The following RBFOX3 variants were observed in gnomAD, a reference collection of about 807,000 sequenced individuals.
RBFOX3 encodes the protein RNA binding protein fox-1 homolog 3.
A neutral mutation model predicts 48.7 loss-of-function variants in RBFOX3; 17 were observed. The observed-to-expected ratio is 0.35, with a 90% CI of 0.24 to 0.52. RBFOX3 has a LOEUF of 0.52. RBFOX3 is among the 20% of genes least tolerant of loss of function. The probability of loss-of-function intolerance (pLI) is 0.94; values close to 1 mark genes in which losing one functional copy is unlikely to be tolerated. For synonymous variants in RBFOX3, 212 were observed against 209.5 expected, an observed-to-expected ratio of 1.01 and a Z score of -0.10; for missense variants, 382 against 497.5, an observed-to-expected ratio of 0.77 and a Z score of 2.21.
chr17:79,489,862 A>G (rs1470013563), intron 1 of RBFOX3, among the ~76,000 whole-genome samples: 1 of 152,082 alleles, frequency 6.6e-6, no homozygotes, highest in Admixed American at 6.6e-5. Context: ...CATCACCCCA[A>G]TTCCTCCTCA....
chr17:79,149,543 G>C (rs897289159), intron 4 of RBFOX3, among the ~76,000 whole-genome samples: 1 of 152,108 alleles, frequency 6.6e-6, no homozygotes, highest in African/African-American at 2.4e-5. Flanking sequence ...TGTGAAGTGG[G>C]TGGGGCAGTG....
chr17:79,382,640 TG>T (rs1280676466), intron 2 of RBFOX3, among the ~76,000 whole-genome samples: 1 of 152,190 alleles, frequency 6.6e-6, no homozygotes, highest in Non-Finnish European at 1.5e-5. Flanking sequence ...CTGACCAGAT[TG>T]GCCACAACCA....
rs1248258362 is a variant in RBFOX3, at chr17:79,155,827, G to A, written c.-33-40079C>T. On this transcript the variant is annotated intron_variant, in intron 4 of 14. Coordinates refer to ENST00000693108, the MANE Select transcript of RBFOX3 (RefSeq NM_001350451.2). The stretch of plus-strand genomic sequence containing the variant: ...CCCCCAGGTTGGAGGCACCCCAGAC[G>A]CACTCCCCTCCCGATGGTGGCTGGG... Among the ~76,000 whole-genome samples, 8 of 152,160 alleles carry A rather than the reference G, an allele frequency of 5.3e-5. No individual in the cohort carries two copies. In the East Asian group the frequency reaches 7.7e-4, roughly 15 times the overall value.
At chr17:79,374,965 C>T (rs2147761549) in intron 2 of RBFOX3, among the ~76,000 whole-genome samples, 1 of 152,134 alleles carries the variant, frequency 6.6e-6, no homozygotes, top group African/African-American at 2.4e-5. Context: ...CTCTCTCCCT[C>T]CTGCCCCAGC....
At chr17:79,398,239 C>G (rs2062293599) in intron 2 of RBFOX3, among the ~76,000 whole-genome samples, 1 of 152,144 alleles carries the variant, frequency 6.6e-6, no homozygotes, top group Non-Finnish European at 1.5e-5. Context: ...CCTGCAGAAA[C>G]TCCCAGAACT....
At chr17:79,451,811 T>C (rs2073564674) in intron 2 of RBFOX3, among the ~76,000 whole-genome samples, 3 of 152,262 alleles carry the variant, frequency 2.0e-5, no homozygotes. Context: ...GAGTACTGAA[T>C]GACAGCATCG....
intron 2 of RBFOX3, among the ~76,000 whole-genome samples, chr17:79,373,058 C>G (rs12941033): frequency 0.44 from 66,652 of 151,960 alleles, 15,647 homozygotes; most frequent in Admixed American, 0.57. Flanking sequence ...AAGCTCACGT[C>G]GCCTCTCAGC....
rs558201295 is a variant in RBFOX3 at position 79,305,905 on chromosome 17, G to A, written c.-74+1819C>T. 3.9e-5 allele frequency among the ~76,000 whole-genome samples: 6 copies of A among 152,316 alleles called. No homozygotes were observed. In the South Asian group the frequency reaches 6.2e-4, roughly 16 times the overall value. On this transcript the variant is annotated intron_variant, in intron 3 of 14. Transcript: ENST00000693108. ...GCTAACCATCCAGGGCTGACCTGCC[G>A]TAGCCTCTAGCGTAGAGCCCTGGGC... is the stretch of plus-strand genomic sequence containing the variant.
chr17:79,357,829 G>A (rs1375612574), intron 2 of RBFOX3, among the ~76,000 whole-genome samples: 1 of 151,362 alleles, frequency 6.6e-6, no homozygotes, highest in Non-Finnish European at 1.5e-5. Flanking sequence ...TGCTTTCCAA[G>A]TCAATACAAA....
At chr17:79,259,316 G>A (rs2065362130) in intron 3 of RBFOX3, among the ~76,000 whole-genome samples, 1 of 152,204 alleles carries the variant, frequency 6.6e-6, no homozygotes, top group African/African-American at 2.4e-5. Context: ...CCGATCTCGG[G>A]TAGGGTCCAC....
chr17:79,205,091 G>C lies in RBFOX3; in HGVS notation c.-34+30675C>G, dbSNP rs900197623. Among the ~76,000 whole-genome samples, 1 of 152,202 alleles carries C rather than the reference G, an allele frequency of 6.6e-6. No homozygotes were observed. The highest frequency in any genetic ancestry group is 1.5e-5 in the Non-Finnish European group (1 of 68,040). On this transcript the variant is annotated intron_variant, in intron 4 of 14. Coordinates refer to ENST00000693108, the MANE Select transcript of RBFOX3 (RefSeq NM_001350451.2). This position sits in a 1 kb window ranked among gnomAD's most constrained non-coding sequence, Gnocchi z 4.5. Reference sequence around the variant, plus strand: ...CTCCAGTCAGAGCCCACTGGTGGAAGGAAGACCAGGTAGGGCTTAGGAATG... The same window carrying C: ...CTCCAGTCAGAGCCCACTGGTGGAACGAAGACCAGGTAGGGCTTAGGAATG...
rs539852042 is a variant in RBFOX3 at position 79,392,021 on chromosome 17, T to C, written c.-174-84197A>G. 4.6e-5 allele frequency among the ~76,000 whole-genome samples: 7 copies of C among 152,302 alleles called. No homozygotes were observed. The highest frequency in any genetic ancestry group is 3.4e-3 in the Middle Eastern group (1 of 294). On this transcript the variant is annotated intron_variant, in intron 2 of 14. Transcript: ENST00000693108. The surrounding 1 kb of genome is among the most constrained non-coding windows in gnomAD (Gnocchi z 5.0). ...AGGGCCCCGCGATGGTCAGGCTTTC[T>C]GCCGTCTTGGAAACAGACACCGACA...
intron 3 of RBFOX3, among the ~76,000 whole-genome samples, chr17:79,262,188 G>A (rs1296315569): frequency 2.0e-5 from 3 of 152,246 alleles, no homozygotes; most frequent in South Asian, 2.1e-4. Context: ...GTGGCTAAGC[G>A]GCGGCCAGGC....
At chr17:79,274,362 A>G (rs777983339) in intron 3 of RBFOX3, among the ~76,000 whole-genome samples, 7 of 152,192 alleles carry the variant, frequency 4.6e-5, no homozygotes, top group Non-Finnish European at 8.8e-5. Flanking sequence ...GGATGTCATG[A>G]AGATGAAGTG....
Position 79,101,602 on chromosome 17 carries a change from C to T in RBFOX3, c.550G>A (p.Gly184Arg), listed in dbSNP as rs1367086126. ...TARVMTNKKT[G>R]NPYTNGWKLN... ...CCCTTACCGTTGGTGTAGGGGTTCC[C>T]CGTCTTCTTGTTGGTCATCACTCGG... The change falls in exon 9 of 15, where the codon GGG (glycine) becomes AGG (arginine). Residue 184 changes from glycine to arginine, a missense_variant. This residue lies in a region of RBFOX3 where 215 missense variants were observed against 254.8 expected (regional missense o/e 0.84). Coordinates refer to ENST00000693108, the MANE Select transcript of RBFOX3 (RefSeq NM_001350451.2). 2 of 1,551,144 alleles carry T rather than the reference C, an allele frequency of 1.3e-6. No individual in the cohort carries two copies. The highest frequency in any genetic ancestry group is 2.4e-5 in the East Asian group (1 of 40,918).
At chr17:79,178,446 TC>T (rs1189155496) in intron 4 of RBFOX3, among the ~76,000 whole-genome samples, 1 of 152,182 alleles carries the variant, frequency 6.6e-6, no homozygotes, top group Non-Finnish European at 1.5e-5. Context: ...TCTTCGTTGT[TC>T]AGGAGAAAGC....
intron 1 of RBFOX3, among the ~76,000 whole-genome samples, chr17:79,607,704 T>C (rs1187371315): frequency 2.0e-5 from 3 of 152,160 alleles, no homozygotes; most frequent in African/African-American, 7.2e-5. Context: ...CACATCGGTA[T>C]GAAGGCGCCT....
In RBFOX3 at chr17:79,280,173, CT is replaced by C. The variant is rs561608902; in HGVS notation, c.-74+27550del. On this transcript the variant is annotated intron_variant, in intron 3 of 14. Transcript: ENST00000693108. ...CGTGCACACACACACGCACACACCACTCACACACACATGCACACTTATACAC... is the reference window on the plus strand; with the variant it reads ...CGTGCACACACACACGCACACACCACCACACACACATGCACACTTATACAC... Among the ~76,000 whole-genome samples, 183 of 53,688 alleles carry C rather than the reference CT, an allele frequency of 3.4e-3. 1 individual carries two copies. The highest frequency in any genetic ancestry group is 0.013 in the East Asian group (4 of 318). The allele number at this position is 53,688 out of a possible 152,430, so 35.2% of individuals were successfully genotyped here. A position where few individuals can be genotyped will look rare whatever the true frequency, so the allele number is the denominator to read the frequency against.
intron 3 of RBFOX3, among the ~76,000 whole-genome samples, chr17:79,266,885 G>A (rs879256018): frequency 1.3e-5 from 2 of 152,098 alleles, no homozygotes; most frequent in Admixed American, 6.5e-5. Flanking sequence ...GGAGCTCCGC[G>A]CTCCTGCTCA....
Sources: allele counts gnomAD v4.1 joint callset (sites outside exome capture counted in the v4.1 genomes callset), GRCh38; gene constraint gnomAD v4.1.1; regional missense constraint gnomAD v4.1.1; non-coding constraint Gnocchi (gnomAD v3.1); transcripts MANE v1.5; gene names NCBI Gene and HGNC (gene_info 2026-07-23, HGNC 2026-07-21).